Variants in CADPS2 observed in about 807,000 individuals in gnomAD.
CADPS2 encodes calcium-dependent secretion activator 2.
CADPS2 carries 93 observed loss-of-function variants against 172.5 expected under a neutral mutation model. That is an observed-to-expected ratio of 0.54 (90% CI 0.46 to 0.64). CADPS2 has a LOEUF of 0.64. CADPS2 is among the 30% of genes least tolerant of loss of function. The pLI, the probability that CADPS2 is intolerant of heterozygous loss-of-function variation, is 0.00. For missense variants in CADPS2, 1,420 were observed against 1,565.9 expected (o/e 0.91, Z 1.57); for synonymous variants, 546 against 555.2 (o/e 0.98, Z 0.23).
chr7:122,821,352 T>A (rs989676645), intron 1 of CADPS2, among the ~76,000 whole-genome samples: 2 of 152,116 alleles, frequency 1.3e-5, no homozygotes, highest in Non-Finnish European at 2.9e-5. Context: ...TGGAAATCTA[T>A]CCTCAAGGAA....
At chr7:122,328,298 A>G (rs2034296620) in intron 28 of CADPS2, among the ~76,000 whole-genome samples, 1 of 152,164 alleles carries the variant, frequency 6.6e-6, no homozygotes, top group Non-Finnish European at 1.5e-5. Flanking sequence ...CACTGAGAAA[A>G]AAGTCAAAGA....
intron 28 of CADPS2, among the ~76,000 whole-genome samples, chr7:122,339,834 G>A (rs1485172475): frequency 1.3e-5 from 2 of 152,088 alleles, no homozygotes; most frequent in East Asian, 1.9e-4. Flanking sequence ...GCAGTGAGCC[G>A]AGATTCCACC....
At chr7:122,813,148 A>G (rs558102891) in intron 1 of CADPS2, among the ~76,000 whole-genome samples, 1 of 152,110 alleles carries the variant, frequency 6.6e-6, no homozygotes, top group Non-Finnish European at 1.5e-5. Flanking sequence ...AGTTGGTGTT[A>G]TTATCCTAGA....
chr7:122,485,499 T>G (rs898949869), intron 11 of CADPS2, among the ~76,000 whole-genome samples: 1 of 152,234 alleles, frequency 6.6e-6, no homozygotes, highest in African/African-American at 2.4e-5. Context: ...GGCCCTGCCT[T>G]TCTTCGATTC....
At chr7:122,688,604 G>C (rs1286934574) in intron 2 of CADPS2, among the ~76,000 whole-genome samples, 2 of 152,206 alleles carry the variant, frequency 1.3e-5, no homozygotes, top group East Asian at 3.9e-4. Context: ...ACACAGCTGT[G>C]CTGCTGGCTC....
intron 1 of CADPS2, among the ~76,000 whole-genome samples, chr7:122,757,603 A>G (rs1343899296): frequency 6.6e-6 from 1 of 152,066 alleles, no homozygotes; most frequent in African/African-American, 2.4e-5. Flanking sequence ...CCTGACACCC[A>G]TGTCCTAAAA....
At chr7:122,788,955 A>T (rs567641882) in intron 1 of CADPS2, among the ~76,000 whole-genome samples, 38 of 152,256 alleles carry the variant, frequency 2.5e-4, no homozygotes, top group African/African-American at 7.9e-4. Context: ...TGATTTCAAC[A>T]CTTAGAACAC....
At chr7:122,801,370 A>G (rs1173908284) in intron 1 of CADPS2, among the ~76,000 whole-genome samples, 1 of 152,202 alleles carries the variant, frequency 6.6e-6, no homozygotes, top group East Asian at 1.9e-4. Flanking sequence ...AATCTGTTAC[A>G]TTAACAGATT....
At chr7:122,592,368 G>A (rs2070968577) in intron 6 of CADPS2, among the ~76,000 whole-genome samples, 2 of 152,158 alleles carry the variant, frequency 1.3e-5, no homozygotes, top group South Asian at 4.2e-4. Context: ...GGAGAAATAG[G>A]AATGCTTTTA....
intron 1 of CADPS2, among the ~76,000 whole-genome samples, chr7:122,802,518 T>C (rs1360628759): frequency 6.6e-6 from 1 of 152,188 alleles, no homozygotes; most frequent in Non-Finnish European, 1.5e-5. Flanking sequence ...TAATACACCC[T>C]AGGTGTGATC....
At position 122,825,976 on chromosome 7, in the gene CADPS2, T is replaced by G. The variant is rs75313853; in HGVS notation, c.339+60023A>C. On this transcript the variant is annotated intron_variant, in intron 1 of 29. Coordinates refer to ENST00000449022, the MANE Select transcript of CADPS2 (RefSeq NM_017954.11). ...GGTGTAAGAACGCCAAGTAGCAAGCTACAACTATGGTGCACACTGGGTAAC... is the reference window on the plus strand; with the variant it reads ...GGTGTAAGAACGCCAAGTAGCAAGCGACAACTATGGTGCACACTGGGTAAC... Among the ~76,000 whole-genome samples, 173 of 152,312 alleles carry G rather than the reference T, an allele frequency of 1.1e-3. 4 individuals carry two copies. The East Asian group carries it at 0.032, about 28-fold the overall frequency.
At chr7:122,344,566 C>T (rs76691011) in intron 28 of CADPS2, among the ~76,000 whole-genome samples, 2,195 of 152,274 alleles carry the variant, frequency 0.014, 51 homozygotes, top group African/African-American at 0.049. Flanking sequence ...TATTTTAGCA[C>T]ATATCAGTAC....
intron 1 of CADPS2, among the ~76,000 whole-genome samples, chr7:122,819,253 C>G (rs1177926636): frequency 6.6e-6 from 1 of 152,170 alleles, no homozygotes; most frequent in African/African-American, 2.4e-5. Flanking sequence ...TCCTCCTAAG[C>G]CACGTCCCAT....
chr7:122,397,447 G>C (rs1381820152), intron 20 of CADPS2, among the ~76,000 whole-genome samples: 2 of 141,388 alleles, frequency 1.4e-5, no homozygotes, highest in East Asian at 4.4e-4. Flanking sequence ...AATGATGGAG[G>C]GGAGAGGGAG....
At chr7:122,686,277 G>C (rs2083608681) in intron 2 of CADPS2, among the ~76,000 whole-genome samples, 1 of 152,158 alleles carries the variant, frequency 6.6e-6, no homozygotes, top group Non-Finnish European at 1.5e-5. Flanking sequence ...ACTGGGAGAG[G>C]AAAGGATTTC....
chr7:122,704,942 G>A (rs2086748821), intron 2 of CADPS2, among the ~76,000 whole-genome samples: 1 of 151,970 alleles, frequency 6.6e-6, no homozygotes, highest in Admixed American at 6.6e-5. Flanking sequence ...AAGAAATTAT[G>A]TGGTCCAAAA....
chr7:122,573,180 A>T (rs142873858), intron 7 of CADPS2, among the ~76,000 whole-genome samples: 196 of 152,244 alleles, frequency 1.3e-3, no homozygotes, highest in Non-Finnish European at 2.6e-3. Context: ...AGTGTTTAAA[A>T]TACTCCCTCC....
intron 17 of CADPS2, among the ~76,000 whole-genome samples, chr7:122,429,014 C>T (rs1418429912): frequency 6.6e-6 from 1 of 151,936 alleles, no homozygotes; most frequent in African/African-American, 2.4e-5. Context: ...ATAAAGTAAA[C>T]ATGTCACTTT....
At chr7:122,426,885 C>A (rs901465939) in intron 17 of CADPS2, among the ~76,000 whole-genome samples, 1 of 152,118 alleles carries the variant, frequency 6.6e-6, no homozygotes, top group East Asian at 1.9e-4. Flanking sequence ...GAATCCCATT[C>A]TATATAAAAG....
Sources: gnomAD v4.1 joint callset for allele counts (sites outside exome capture counted in the v4.1 genomes callset) on GRCh38, gnomAD v4.1.1 for gene constraint, MANE v1.5 for transcripts, NCBI Gene and HGNC (gene_info 2026-07-23, HGNC 2026-07-21) for gene names.